The following TRRAP variants were observed in gnomAD, a reference collection of about 807,000 sequenced individuals.
The protein encoded by TRRAP is transformation/transcription domain-associated protein.
Under a neutral mutation model 438.8 loss-of-function variants are expected in TRRAP, and 41 were observed. That is an observed-to-expected ratio of 0.09 (90% confidence interval 0.07 to 0.12). TRRAP has a LOEUF of 0.12. Among genes scored for constraint, TRRAP ranks in the 10% least tolerant of loss-of-function variants. The pLI is 1.00. For missense variants in TRRAP, 3,122 were observed against 5,055.1 expected (o/e 0.62, Z 11.60); for synonymous variants, 1,994 against 1,962.9 (o/e 1.02, Z -0.42).
At chr7:98,900,943 T>C (rs1291005897) in intron 11 of TRRAP, among the ~76,000 whole-genome samples, 1 of 152,234 alleles carries the variant, frequency 6.6e-6, no homozygotes, top group Non-Finnish European at 1.5e-5. Flanking sequence ...CCGATTTATT[T>C]GGTCCCCATA....
intron 57 of TRRAP, 78 bp from the exon 58 acceptor site, chr7:98,978,691 A>G (rs1214724406): frequency 1.9e-6 from 3 of 1,592,750 alleles, no homozygotes; most frequent in Non-Finnish European, 1.7e-6. Context: ...TTTGCTCCTT[A>G]AAACCCTGTC....
chr7:98,912,734 C>T (rs1163269792), intron 18 of TRRAP, among the ~76,000 whole-genome samples: 3 of 152,084 alleles, frequency 2.0e-5, no homozygotes, highest in African/African-American at 7.2e-5. Context: ...AATGTCTTCA[C>T]CTACCTCTCA....
chr7:98,918,858 C>G (rs1554409983), intron 20 of TRRAP, among the ~76,000 whole-genome samples: 1 of 151,470 alleles, frequency 6.6e-6, no homozygotes. Context: ...GAGTTTGAAA[C>G]CAGCCTGGCC....
At position 99,004,171 on chromosome 7, in the gene TRRAP, A is replaced by T; in HGVS notation, c.10310-19A>T. 1 of 1,601,432 alleles carries T rather than the reference A, an allele frequency of 6.2e-7. No individual in the cohort carries two copies. The highest frequency in any genetic ancestry group is 2.2e-5 in the East Asian group (1 of 44,824). On this transcript the variant is annotated intron_variant, in intron 67 of 72. Transcript: ENST00000456197. ...GCCCAGATGACTAAAAACGTTTTTA[A>T]TCATGTTTTATTTTTAAGATTTTGA...
At chr7:98,886,391 G>T (rs1439020267) in intron 3 of TRRAP, among the ~76,000 whole-genome samples, 1 of 149,964 alleles carries the variant, frequency 6.7e-6, no homozygotes, top group African/African-American at 2.5e-5. Context: ...TAGAGAGATA[G>T]AGATAGATAT....
chr7:98,998,725 C>T (rs1367227643), intron 67 of TRRAP: 2 of 182,190 alleles, frequency 1.1e-5, no homozygotes, highest in Admixed American at 5.9e-5. Context: ...GTGAATTCCA[C>T]AGCATGGGCA....
At chr7:98,951,771 G>A (rs1484988161) in intron 39 of TRRAP, among the ~76,000 whole-genome samples, 1 of 152,176 alleles carries the variant, frequency 6.6e-6, no homozygotes, top group Non-Finnish European at 1.5e-5. Flanking sequence ...CTTTCAGCTG[G>A]GCCTCCTTCC....
intron 67 of TRRAP, among the ~76,000 whole-genome samples, chr7:98,995,913 C>A (rs1049233588): frequency 6.7e-6 from 1 of 149,418 alleles, no homozygotes. Flanking sequence ...CACCCGCGTC[C>A]CATCCTCGCA....
intron 27 of TRRAP, among the ~76,000 whole-genome samples, chr7:98,934,135 A>C (rs1420272409): frequency 6.6e-6 from 1 of 152,228 alleles, no homozygotes; most frequent in Non-Finnish European, 1.5e-5. Flanking sequence ...CAGGAATGAA[A>C]CTGTGGGTGT....
intron 51 of TRRAP, among the ~76,000 whole-genome samples, chr7:98,968,327 T>C (rs1028084656): frequency 6.6e-5 from 10 of 152,148 alleles, no homozygotes; most frequent in Non-Finnish European, 1.3e-4. Context: ...CCCCCATCAT[T>C]CCTTAAGCAG....
Position 98,895,771 on chromosome 7 carries a change from A to G in TRRAP, c.458A>G (p.His153Arg). ...AGTGTCTGCTTTTTTTAGATTCATCATTTTCTGGATTTTGTGAAACAGATT... is the reference window on the plus strand; with the variant it reads ...AGTGTCTGCTTTTTTTAGATTCATCGTTTTCTGGATTTTGTGAAACAGATT... ...FRPPITQEIH[H>R]FLDFVKQIYK... Residue 153 changes from histidine (H) to arginine (R), a missense_variant, in exon 7 of 73, where the codon CAT becomes CGT. Around this residue, in one of 24 missense-constraint regions of TRRAP, gnomAD observed 343 missense variants for 564.0 expected, o/e 0.61. Coordinates refer to ENST00000456197, the MANE Select transcript of TRRAP (RefSeq NM_001375524.1). 6.2e-7 allele frequency: 1 copy of G among 1,603,924 alleles called. No individual in the cohort carries two copies. Among genetic ancestry groups the G allele is most frequent in the Non-Finnish European group, 8.5e-7 (1 of 1,175,840 alleles).
At position 98,917,418 on chromosome 7, in the gene TRRAP, C is replaced by A; in HGVS notation, c.2366-5C>A. The A allele has an allele frequency of 6.2e-7, 1 of 1,613,712 alleles. No individual in the cohort carries two copies. On this transcript the variant is annotated splice_polypyrimidine_tract_variant and splice_region_variant and intron_variant, in intron 19 of 72. Transcript: ENST00000456197. ...CCTCTCTGATAGCTGCACCCCCTTC[C>A]CTAGGGCTGAACATGCTTCAGAGTG...
chr7:98,953,524 G>T, intron 40 of TRRAP, 91 bp downstream of exon 40: 1 of 1,536,464 alleles, frequency 6.5e-7, no homozygotes, highest in Non-Finnish European at 8.7e-7. Flanking sequence ...CTCTCCTGTT[G>T]TCTTCTCCCA....
chr7:98,948,744 C>T lies in TRRAP; in HGVS notation c.4788+59C>T. 1.2e-6 allele frequency: 2 copies of T among 1,611,760 alleles called. No homozygotes were observed. On this transcript the variant is annotated intron_variant, in intron 35 of 72. Transcript: ENST00000456197. This position sits in a 1 kb window ranked among gnomAD's most constrained non-coding sequence, Gnocchi z 4.9. ...CTTCAAATGCTTGTGAGCTGTCGTG[C>T]TCTGAAATGTTCAGTTCATATTTCA...
chr7:98,936,749 A>G (rs563707953), intron 28 of TRRAP, among the ~76,000 whole-genome samples: 1 of 152,100 alleles, frequency 6.6e-6, no homozygotes, highest in South Asian at 2.1e-4. Flanking sequence ...CTTCCCCCTC[A>G]AGCTTTCTTC....
rs782712910 is a variant in TRRAP, at chr7:98,892,568, TA to T, written c.366+44del. The T allele has an allele frequency of 2.7e-6, 4 of 1,464,268 alleles. No homozygotes were observed. In the South Asian group the frequency reaches 3.7e-5, roughly 13 times the overall value. The allele number at this position is 1,464,268 out of a possible 1,614,324, so 90.7% of individuals were successfully genotyped here. ...TTAATTCTTGTCGTATAGCCGTATGTAAAACTTTCACTGATTTTTCTTATGG... is the reference window on the plus strand; with the variant it reads ...TTAATTCTTGTCGTATAGCCGTATGTAAACTTTCACTGATTTTTCTTATGG... On this transcript the variant is annotated intron_variant, in intron 5 of 72. Coordinates refer to ENST00000456197, the MANE Select transcript of TRRAP (RefSeq NM_001375524.1).
Position 98,927,060 on chromosome 7 carries a change from C to G in TRRAP, c.2976-107C>G, listed in dbSNP as rs2116494250. 3 of 1,238,952 alleles carry G rather than the reference C, an allele frequency of 2.4e-6. No homozygotes were observed. The South Asian group carries it at 4.2e-5, about 18-fold the overall frequency. The allele number at this position is 1,238,952 out of a possible 1,614,324, so 76.7% of individuals were successfully genotyped here. ...AAGCAGATAAATTACCCAGGCCTGT[C>G]TGAATAAGAGGGAAGCAAGCAGATT... is the stretch of plus-strand genomic sequence containing the variant. On this transcript the variant is annotated intron_variant, in intron 22 of 72. Coordinates refer to ENST00000456197, the MANE Select transcript of TRRAP (RefSeq NM_001375524.1).
intron 27 of TRRAP, 62 bp downstream of exon 27, chr7:98,933,464 T>C: frequency 1.3e-6 from 2 of 1,550,060 alleles, no homozygotes; most frequent in South Asian, 2.4e-5. Flanking sequence ...TAGCCTGTCT[T>C]TGTACGCGAA....
chr7:98,951,080 TGTG>T, intron 39 of TRRAP, 76 bp downstream of exon 39: 3 of 1,312,738 alleles, frequency 2.3e-6, no homozygotes, highest in Non-Finnish European at 2.0e-6. Context: ...TGTGTGTGTG[TGTG>T]TGTGTGTGTG....
Sources: gnomAD v4.1 joint callset for allele counts (sites outside exome capture counted in the v4.1 genomes callset) on GRCh38, gnomAD v4.1.1 for gene constraint, gnomAD v4.1.1 regional missense constraint, Gnocchi (gnomAD v3.1) non-coding constraint, MANE v1.5 for transcripts, NCBI Gene and HGNC (gene_info 2026-07-23, HGNC 2026-07-21) for gene names.